ARID1B: variants seen among roughly 807,000 people sequenced by gnomAD.
The protein encoded by ARID1B is AT-rich interaction domain 1B, also known as AT-rich interactive domain-containing protein 1B.
Under a neutral mutation model 212.3 loss-of-function variants are expected in ARID1B, and 30 were observed. The ratio of observed to expected loss-of-function variants is 0.14; its 90% CI spans 0.11 to 0.19. ARID1B has a LOEUF of 0.19. ARID1B is among the 10% of genes least tolerant of loss of function. The pLI is 1.00. For synonymous variants in ARID1B, 1,402 were observed against 1,301.7 expected (o/e 1.08, Z -1.66); for missense variants, 2,891 against 3,204.0 (o/e 0.90, Z 2.36).
intron 13 of ARID1B, chr6:157,186,163 T>C: frequency 3.9e-6 from 1 of 258,902 alleles, no homozygotes; most frequent in Non-Finnish European, 7.7e-6. Context: ...GCTCTCCCAG[T>C]GTGCATCAGC....
In ARID1B at chr6:157,210,318, A is replaced by C. The variant is rs1324120768; in HGVS notation, c.*2427A>C. 1 of 230,532 alleles carries C rather than the reference A, an allele frequency of 4.3e-6. No homozygotes were observed. Among genetic ancestry groups the C allele is most frequent in the Non-Finnish European group, 8.6e-6 (1 of 116,482 alleles). 14.3% of individuals were successfully genotyped at this position (230,532 alleles called of 1,614,324 possible). ...TCAATATTATTCTAATTTCTCTCTT[A>C]CAGAGTACAAATAAAAGGTGTATAC... On this transcript the variant is annotated 3_prime_UTR_variant, in exon 20 of 20. Coordinates refer to ENST00000636930, the MANE Select transcript of ARID1B (RefSeq NM_001374828.1).
chr6:157,097,937 G>T (rs181912277), intron 5 of ARID1B, among the ~76,000 whole-genome samples: 3 of 152,304 alleles, frequency 2.0e-5, no homozygotes, highest in African/African-American at 7.2e-5. Flanking sequence ...ATACAAAATT[G>T]CAAGGTTGTT....
intron 3 of ARID1B, among the ~76,000 whole-genome samples, chr6:156,922,449 A>G (rs1790889995): frequency 6.6e-6 from 1 of 152,210 alleles, no homozygotes; most frequent in Non-Finnish European, 1.5e-5. Flanking sequence ...TTGGGATTAC[A>G]GGGTGAGTCA....
chr6:156,932,153 G>GC (rs1471820666), intron 3 of ARID1B, among the ~76,000 whole-genome samples: 3 of 131,982 alleles, frequency 2.3e-5, no homozygotes, highest in African/African-American at 9.5e-5. Flanking sequence ...AAAGGGGGGG[G>GC]GCGGGGTGAA....
intron 1 of ARID1B, among the ~76,000 whole-genome samples, chr6:156,800,815 A>C (rs564381078): frequency 6.6e-6 from 1 of 152,168 alleles, no homozygotes; most frequent in South Asian, 2.1e-4. Context: ...GCTGAGGTGG[A>C]GGATCACCTG....
chr6:156,798,004 A>C (rs893611767), intron 1 of ARID1B, among the ~76,000 whole-genome samples: 9 of 152,222 alleles, frequency 5.9e-5, no homozygotes, highest in Non-Finnish European at 1.2e-4. Flanking sequence ...GGGGGCTGAC[A>C]TTGTGGTCAT....
intron 4 of ARID1B, among the ~76,000 whole-genome samples, chr6:156,967,737 AT>A (rs1794867051): frequency 6.6e-6 from 1 of 152,224 alleles, no homozygotes; most frequent in South Asian, 2.1e-4. Flanking sequence ...ATTTGATCTT[AT>A]TAATGAGGTC....
At position 157,207,303 on chromosome 6, in the gene ARID1B, C is replaced by T. The variant is rs2128397481; in HGVS notation, c.6531C>T (p.His2177=). Residue 2177 remains histidine, a synonymous_variant, in exon 20 of 20, where the codon CAC becomes CAT. Transcript: ENST00000636930. This position sits in a 1 kb window ranked among gnomAD's most constrained non-coding sequence, Gnocchi z 8.5. Reference sequence around the variant, plus strand: ...TGCCAATTTTGGATGGCTTGCTGCACTGGATGGTGTGCCCGTCTGCAGAGG... The same window carrying T: ...TGCCAATTTTGGATGGCTTGCTGCATTGGATGGTGTGCCCGTCTGCAGAGG... ...ICLPILDGLL[H]WMVCPSAEAQ... 1 of 1,614,054 alleles carries T rather than the reference C, an allele frequency of 6.2e-7. No individual in the cohort carries two copies. The highest frequency in any genetic ancestry group is 8.5e-7 in the Non-Finnish European group (1 of 1,179,926).
intron 2 of ARID1B, among the ~76,000 whole-genome samples, chr6:156,874,061 G>A (rs1786350831): frequency 6.6e-6 from 1 of 152,102 alleles, no homozygotes; most frequent in Non-Finnish European, 1.5e-5. Context: ...AATTTCTTAT[G>A]TTTAGGTTTT....
intron 8 of ARID1B, among the ~76,000 whole-genome samples, chr6:157,152,792 A>G (rs1420379199): frequency 6.6e-6 from 1 of 152,184 alleles, no homozygotes; most frequent in Non-Finnish European, 1.5e-5. Context: ...GTTAGGTTGA[A>G]GTTAGGTTGG....
chr6:157,144,727 G>A (rs1789602370), intron 7 of ARID1B, among the ~76,000 whole-genome samples: 1 of 152,134 alleles, frequency 6.6e-6, no homozygotes, highest in African/African-American at 2.4e-5. Flanking sequence ...CACCTACCAG[G>A]GTGCACAGAA....
intron 4 of ARID1B, among the ~76,000 whole-genome samples, chr6:157,058,351 A>C (rs1583230084): frequency 6.9e-6 from 1 of 144,334 alleles, no homozygotes; most frequent in African/African-American, 2.6e-5. Context: ...TGCAGCCTCC[A>C]CCTCCCGGGT....
intron 6 of ARID1B, among the ~76,000 whole-genome samples, chr6:157,120,354 G>A: frequency 6.6e-6 from 1 of 152,176 alleles, no homozygotes; most frequent in East Asian, 1.9e-4. Flanking sequence ...CAGCTTAGAG[G>A]TTGCTGTGCC....
In ARID1B at chr6:157,133,048, A is replaced by G; in HGVS notation, c.2602A>G (p.Arg868Gly). The G allele has an allele frequency of 6.3e-7, 1 of 1,599,612 alleles. No individual in the cohort carries two copies. The highest frequency in any genetic ancestry group is 8.5e-7 in the Non-Finnish European group (1 of 1,176,014). The change falls in exon 7 of 20, where the codon AGA becomes GGA. Residue 868 changes from arginine (R) to glycine (G), a missense_variant. Transcript: ENST00000636930. ...CTTAGGTTTTATGGCAGGCACACAAAGAAACCCTCAGATGGCTCAGTATGG... is the reference window on the plus strand; with the variant it reads ...CTTAGGTTTTATGGCAGGCACACAAGGAAACCCTCAGATGGCTCAGTATGG... ...QERGFMAGTQ[R>G]NPQMAQYGPQ... is the part of the protein sequence containing the mutation.
chr6:157,001,958 T>C (rs1778940450), intron 4 of ARID1B, among the ~76,000 whole-genome samples: 1 of 152,212 alleles, frequency 6.6e-6, no homozygotes, highest in African/African-American at 2.4e-5. Flanking sequence ...AGGTGCCTCG[T>C]ATTATTGAGA....
intron 1 of ARID1B, among the ~76,000 whole-genome samples, chr6:156,800,325 C>G (rs1780685126): frequency 6.6e-6 from 1 of 152,144 alleles, no homozygotes; most frequent in Admixed American, 6.5e-5. Context: ...TGTGGTGGGT[C>G]ACCCCTGTAA....
intron 1 of ARID1B, among the ~76,000 whole-genome samples, chr6:156,807,035 T>TA (rs1342884813): frequency 1.3e-5 from 2 of 152,218 alleles, no homozygotes; most frequent in Non-Finnish European, 2.9e-5. Flanking sequence ...TTATGGGTCC[T>TA]ACAAAAACCA....
At chr6:156,916,299 G>T (rs1790349597) in intron 3 of ARID1B, among the ~76,000 whole-genome samples, 1 of 152,028 alleles carries the variant, frequency 6.6e-6, no homozygotes, top group African/African-American at 2.4e-5. Flanking sequence ...GCTCTTTTTA[G>T]GGGGCAGAAT....
intron 6 of ARID1B, among the ~76,000 whole-genome samples, chr6:157,127,248 T>A (rs1410159618): frequency 6.6e-6 from 1 of 152,104 alleles, no homozygotes; most frequent in Non-Finnish European, 1.5e-5. Context: ...GCCAAAAAGG[T>A]GAAGTCACTG....
Sources: allele counts gnomAD v4.1 joint callset (sites outside exome capture counted in the v4.1 genomes callset), GRCh38; gene constraint gnomAD v4.1.1; non-coding constraint Gnocchi (gnomAD v3.1); transcripts MANE v1.5; gene names NCBI Gene and HGNC (gene_info 2026-07-23, HGNC 2026-07-21).